The following PARVA variants were observed in gnomAD, a reference collection of about 807,000 sequenced individuals.
The protein encoded by PARVA is parvin alpha, also known as alpha-parvin.
PARVA carries 25 observed loss-of-function variants against 52.6 expected under a neutral mutation model. The observed-to-expected ratio is 0.48, with a 90% CI of 0.35 to 0.66. The LOEUF (loss-of-function observed/expected upper bound fraction) is 0.66. PARVA is among the 30% of genes least tolerant of loss of function. PARVA has a pLI of 0.01. For missense variants in PARVA, 373 were observed against 450.9 expected, an observed-to-expected ratio of 0.83 and a Z score of 1.56; for synonymous variants, 185 against 179.1, an observed-to-expected ratio of 1.03 and a Z score of -0.26.
intron 1 of PARVA, among the ~76,000 whole-genome samples, chr11:12,415,689 G>T (rs1352490902): frequency 6.6e-6 from 1 of 152,140 alleles, no homozygotes; most frequent in Non-Finnish European, 1.5e-5. Context: ...TTGAAATATG[G>T]TGGTAGTAAA....
At chr11:12,471,601 G>A (rs575006430) in intron 1 of PARVA, among the ~76,000 whole-genome samples, 6,044 of 139,074 alleles carry the variant, frequency 0.043, 156 homozygotes, top group Middle Eastern at 0.1. Context: ...AAACTAACAG[G>A]AGCAGAAAAC....
chr11:12,446,813 C>A (rs1940553978), intron 1 of PARVA, among the ~76,000 whole-genome samples: 1 of 152,130 alleles, frequency 6.6e-6, no homozygotes, highest in South Asian at 2.1e-4. Flanking sequence ...GTTTCTGGCC[C>A]GTTGTTTCAT....
chr11:12,500,072 T>G (rs1377254742), intron 5 of PARVA, among the ~76,000 whole-genome samples: 1 of 152,150 alleles, frequency 6.6e-6, no homozygotes, highest in African/African-American at 2.4e-5. Flanking sequence ...GATAAATACC[T>G]AAGAGTGGTA....
chr11:12,497,661 C>G (rs147047382), intron 5 of PARVA, among the ~76,000 whole-genome samples: 1 of 152,090 alleles, frequency 6.6e-6, no homozygotes, highest in Non-Finnish European at 1.5e-5. Flanking sequence ...GTTCTTTGCC[C>G]GCAGAGGGAG....
chr11:12,403,457 T>C (rs927708902), intron 1 of PARVA, among the ~76,000 whole-genome samples: 13 of 152,254 alleles, frequency 8.5e-5, no homozygotes, highest in Middle Eastern at 3.2e-3. Flanking sequence ...GCCAGTGCTC[T>C]GAGCATTTCC....
In PARVA at chr11:12,496,561, G is replaced by C. The variant is rs1183988857; in HGVS notation, c.504G>C (p.Leu168=). ...QTVLEKINET[L]KLPPRSIKWN... is the part of the protein sequence containing the mutation. ...TCCTGGAGAAGATCAATGAAACCCTGAAACTTCCTCCCAGGAGCATCAAGT... is the reference window on the plus strand; with the variant it reads ...TCCTGGAGAAGATCAATGAAACCCTCAAACTTCCTCCCAGGAGCATCAAGT... The change falls in exon 5 of 13, where the codon CTG becomes CTC. Residue 168 remains leucine, a synonymous_variant. Transcript: ENST00000334956. 1.2e-6 allele frequency: 2 copies of C among 1,612,274 alleles called. No individual in the cohort carries two copies.
intron 6 of PARVA, among the ~76,000 whole-genome samples, chr11:12,507,985 T>TGGACGGACGGAC (rs1332079537): frequency 6.6e-6 from 1 of 150,744 alleles, no homozygotes; most frequent in South Asian, 2.1e-4. Context: ...GATGGATGGA[T>TGGACGGACGGAC]GGATGGACGG....
At chr11:12,423,803 A>G (rs959608577) in intron 1 of PARVA, among the ~76,000 whole-genome samples, 3 of 152,280 alleles carry the variant, frequency 2.0e-5, no homozygotes, top group African/African-American at 7.2e-5. Flanking sequence ...CCATCTCTGG[A>G]ATCACTATTT....
intron 5 of PARVA, among the ~76,000 whole-genome samples, chr11:12,498,180 T>G (rs1451342847): frequency 6.6e-6 from 1 of 152,084 alleles, no homozygotes; most frequent in African/African-American, 2.4e-5. Flanking sequence ...ATTACAGGCG[T>G]GTGCCACCAA....
chr11:12,502,650 A>G (rs1346178022), intron 5 of PARVA, among the ~76,000 whole-genome samples: 1 of 152,154 alleles, frequency 6.6e-6, no homozygotes, highest in Non-Finnish European at 1.5e-5. Context: ...GAAAACTCCC[A>G]GGAGACATGT....
At chr11:12,503,382 A>G (rs904306814) in intron 5 of PARVA, among the ~76,000 whole-genome samples, 1 of 152,106 alleles carries the variant, frequency 6.6e-6, no homozygotes, top group Non-Finnish European at 1.5e-5. Flanking sequence ...GGGAAGGGAG[A>G]GGGAGTGCAG....
intron 1 of PARVA, 102 bp from the exon 2 acceptor site, chr11:12,473,642 TG>T: frequency 2.4e-6 from 2 of 827,692 alleles, no homozygotes; most frequent in Non-Finnish European, 4.0e-6. Flanking sequence ...CTACCCTTAG[TG>T]GGTTTTTTTC....
At chr11:12,423,038 G>A (rs928261948) in intron 1 of PARVA, among the ~76,000 whole-genome samples, 1 of 151,996 alleles carries the variant, frequency 6.6e-6, no homozygotes, top group Non-Finnish European at 1.5e-5. Flanking sequence ...ATTTCTAGTA[G>A]AGACGGGCTT....
At position 12,381,921 on chromosome 11, in the gene PARVA, G is replaced by A. The variant is rs78156082; in HGVS notation, c.136+4138G>A. 2.3e-3 allele frequency among the ~76,000 whole-genome samples: 351 copies of A among 152,196 alleles called. 6 individuals carry two copies. The East Asian group carries it at 0.051, about 22-fold the overall frequency. ...GGGAGTACTTCCAGCATCTCTAGTG[G>A]CACTTTGTTAGAGTCCCATGGTGTT... On this transcript the variant is annotated intron_variant, in intron 1 of 12. Coordinates refer to ENST00000334956, the MANE Select transcript of PARVA (RefSeq NM_018222.5).
rs115104211 is a variant in PARVA, at chr11:12,425,678, A to G, written c.136+47895A>G. 4.3e-3 allele frequency among the ~76,000 whole-genome samples: 649 copies of G among 152,242 alleles called. 5 individuals are homozygous for G. The highest frequency in any genetic ancestry group is 0.015 in the African/African-American group (613 of 41,544). ...TTATCTAGTTACCTCCTGTGTTATT[A>G]TGTACATCTCATATGTCTAATATCC... is the stretch of plus-strand genomic sequence containing the variant. On this transcript the variant is annotated intron_variant, in intron 1 of 12. Coordinates refer to ENST00000334956, the MANE Select transcript of PARVA (RefSeq NM_018222.5).
At chr11:12,472,684 C>G (rs375010417) in intron 1 of PARVA, among the ~76,000 whole-genome samples, 205 of 151,686 alleles carry the variant, frequency 1.4e-3, no homozygotes, top group African/African-American at 4.9e-3. Flanking sequence ...AGGCCAGAGT[C>G]AATAAAAAAA....
chr11:12,520,034 T>C (rs1208057085), intron 12 of PARVA, among the ~76,000 whole-genome samples: 1 of 152,254 alleles, frequency 6.6e-6, no homozygotes, highest in East Asian at 1.9e-4. Flanking sequence ...ACTTCCTGGT[T>C]ACAGATTGGA....
chr11:12,497,886 C>A (rs1320853678), intron 5 of PARVA, among the ~76,000 whole-genome samples: 1 of 152,138 alleles, frequency 6.6e-6, no homozygotes, highest in Admixed American at 6.5e-5. Context: ...ATGAAGACTG[C>A]TGTTTAGTTT....
chr11:12,425,338 G>A (rs1222973755), intron 1 of PARVA, among the ~76,000 whole-genome samples: 1 of 152,176 alleles, frequency 6.6e-6, no homozygotes, highest in Non-Finnish European at 1.5e-5. Context: ...CCATCAGAAA[G>A]AAATGAGAAT....
Sources: gnomAD v4.1 joint callset for allele counts (sites outside exome capture counted in the v4.1 genomes callset) on GRCh38, gnomAD v4.1.1 for gene constraint, MANE v1.5 for transcripts, NCBI Gene and HGNC (gene_info 2026-07-23, HGNC 2026-07-21) for gene names.